Variants in TNFSF11 observed in about 807,000 individuals in gnomAD.
TNFSF11 encodes the protein TNF superfamily member 11, also known as tumor necrosis factor ligand superfamily member 11.
In TNFSF11, 12 loss-of-function variants were observed where a neutral mutation model predicts 32.2. That is an observed-to-expected ratio of 0.37 (90% CI 0.24 to 0.60). TNFSF11 has a LOEUF of 0.60. TNFSF11 is among the 20% of genes least tolerant of loss of function. The probability of loss-of-function intolerance (pLI) is 0.66; values close to 1 mark genes in which losing one functional copy is unlikely to be tolerated. For missense variants in TNFSF11, 345 were observed against 398.0 expected, an observed-to-expected ratio of 0.87 and a Z score of 1.13; for synonymous variants, 172 against 152.1, an observed-to-expected ratio of 1.13 and a Z score of -0.96.
intron 1 of TNFSF11, among the ~76,000 whole-genome samples, chr13:42,563,223 G>A (rs914050200): frequency 6.6e-6 from 1 of 152,196 alleles, no homozygotes; most frequent in Non-Finnish European, 1.5e-5. Flanking sequence ...CAGACTGAAA[G>A]TTCTGAATTG....
rs372429842 is a variant in TNFSF11, at chr13:42,575,891, C to A, written c.219+1369C>A. 2.0e-5 allele frequency among the ~76,000 whole-genome samples: 3 copies of A among 152,136 alleles called. No individual in the cohort carries two copies. In the East Asian group the frequency reaches 5.8e-4, roughly 29 times the overall value. On this transcript the variant is annotated intron_variant, in intron 1 of 4. Transcript: ENST00000398795. ...GTGTGTTGCAATAAGAATGGCTTAC[C>A]CATTTTCTCATCCAGCATTTTGTTA...
In TNFSF11 at chr13:42,607,655, G is replaced by C. The variant is rs201325158; in HGVS notation, c.*737G>C. On this transcript the variant is annotated 3_prime_UTR_variant, in exon 5 of 5. Coordinates refer to ENST00000398795, the MANE Select transcript of TNFSF11 (RefSeq NM_003701.4). ...TAAGTTAATAGATTTTTTCAGACTT[G>C]TCAAGCCTGTGCAAAAAAATTAAAA... The C allele has an allele frequency of 3.9e-5, 6 of 152,698 alleles. No individual in the cohort carries two copies. The highest frequency in any genetic ancestry group is 8.8e-5 in the Non-Finnish European group (6 of 68,030). 9.5% of individuals were successfully genotyped at this position (152,698 alleles called of 1,614,324 possible). A position where few individuals can be genotyped will look rare whatever the true frequency, so the allele number is the denominator to read the frequency against.
chr13:42,565,683 A>T (rs1246121110), intron 1 of TNFSF11, among the ~76,000 whole-genome samples: 3 of 152,218 alleles, frequency 2.0e-5, no homozygotes, highest in African/African-American at 7.2e-5. Context: ...AAAGACAGAG[A>T]TGGGAAAAAA....
chr13:42,573,220 C>G (rs1873134952), upstream of TNFSF11, among the ~76,000 whole-genome samples: 1 of 151,246 alleles, frequency 6.6e-6, no homozygotes. Context: ...GATGTGGAAC[C>G]CATGGATACT....
Position 42,579,824 on chromosome 13 carries a change from A to G in TNFSF11, c.220-1302A>G, listed in dbSNP as rs566053712. 9.3e-5 allele frequency among the ~76,000 whole-genome samples: 14 copies of G among 150,274 alleles called. No homozygotes were observed. In the East Asian group the frequency reaches 2.5e-3, roughly 27 times the overall value. ...AGAATATAGGAAAAATACAGATTGTACACAGTTTTGCTTCACGGTGGTATC... is the reference window on the plus strand; with the variant it reads ...AGAATATAGGAAAAATACAGATTGTGCACAGTTTTGCTTCACGGTGGTATC... On this transcript the variant is annotated intron_variant, in intron 1 of 4. Coordinates refer to ENST00000398795, the MANE Select transcript of TNFSF11 (RefSeq NM_003701.4).
At chr13:42,565,776 A>T (rs933355495) in intron 1 of TNFSF11, among the ~76,000 whole-genome samples, 1 of 152,202 alleles carries the variant, frequency 6.6e-6, no homozygotes, top group African/African-American at 2.4e-5. Context: ...TTATACATCC[A>T]GTTGTTCGTG....
intron 2 of TNFSF11, chr13:42,566,806 A>G (rs1872887088): frequency 2.0e-5 from 3 of 152,158 alleles, no homozygotes; most frequent in Non-Finnish European, 2.9e-5. Context: ...CAGTCTGGGC[A>G]ACATAGGAAA....
intron 1 of TNFSF11, among the ~76,000 whole-genome samples, chr13:42,575,038 G>C (rs558829408): frequency 6.6e-6 from 1 of 152,346 alleles, no homozygotes; most frequent in East Asian, 1.9e-4. Context: ...AGGGCTGCGC[G>C]GAGCGGGAGG....
At chr13:42,604,070 TA>T (rs1214853047) in intron 4 of TNFSF11, among the ~76,000 whole-genome samples, 2 of 152,240 alleles carry the variant, frequency 1.3e-5, no homozygotes, top group African/African-American at 4.8e-5. Flanking sequence ...CTTGCCTTCC[TA>T]GGCCATATCT....
chr13:42,596,435 G>T (rs888581138), intron 2 of TNFSF11, among the ~76,000 whole-genome samples: 5 of 152,284 alleles, frequency 3.3e-5, no homozygotes, highest in Admixed American at 1.3e-4. Flanking sequence ...AGTCACGCTA[G>T]GGATTCCTGG....
At chr13:42,580,383 G>T (rs1873542607) in intron 1 of TNFSF11, among the ~76,000 whole-genome samples, 1 of 152,138 alleles carries the variant, frequency 6.6e-6, no homozygotes, top group Admixed American at 6.6e-5. Flanking sequence ...TTACATTACA[G>T]GAATCTTAGC....
At chr13:42,599,408 C>T (rs911633678) in intron 2 of TNFSF11, among the ~76,000 whole-genome samples, 6 of 150,742 alleles carry the variant, frequency 4.0e-5, no homozygotes, top group Non-Finnish European at 8.8e-5. Flanking sequence ...GCCCTCCTCT[C>T]TAGACACTTA....
intron 4 of TNFSF11, among the ~76,000 whole-genome samples, chr13:42,603,269 G>C (rs775358611): frequency 6.6e-6 from 1 of 152,126 alleles, no homozygotes; most frequent in Non-Finnish European, 1.5e-5. Flanking sequence ...AGAATACATG[G>C]CTTTCTTTAG....
intron 4 of TNFSF11, among the ~76,000 whole-genome samples, chr13:42,604,181 G>A (rs549280345): frequency 2.1e-4 from 32 of 152,306 alleles, no homozygotes; most frequent in Non-Finnish European, 3.7e-4. Context: ...CAAATTGACT[G>A]CAAGAGTGGG....
At chr13:42,601,590 A>G (rs754763419) in intron 4 of TNFSF11, among the ~76,000 whole-genome samples, 4 of 152,066 alleles carry the variant, frequency 2.6e-5, no homozygotes, top group Non-Finnish European at 5.9e-5. Flanking sequence ...CCATCATACA[A>G]CCCCCACTGG....
chr13:42,583,437 AAGAAAGG>A (rs1198647983), intron 2 of TNFSF11, among the ~76,000 whole-genome samples: 37 of 107,478 alleles, frequency 3.4e-4, no homozygotes, highest in African/African-American at 1.1e-3. Flanking sequence ...AAAAAAAAAA[AAGAAAGG>A]AAGAAAGGAA....
chr13:42,587,923 A>G (rs1416644356), intron 2 of TNFSF11, among the ~76,000 whole-genome samples: 1 of 152,126 alleles, frequency 6.6e-6, no homozygotes, highest in Non-Finnish European at 1.5e-5. Context: ...ACTATTTCTC[A>G]TTTGCCTATT....
chr13:42,591,967 G>A (rs749486314), intron 2 of TNFSF11, among the ~76,000 whole-genome samples: 14 of 152,186 alleles, frequency 9.2e-5, no homozygotes, highest in African/African-American at 3.1e-4. Context: ...GGAACCTATG[G>A]CATCCCAGAG....
At chr13:42,591,628 T>C (rs893258077) in intron 2 of TNFSF11, among the ~76,000 whole-genome samples, 2 of 152,134 alleles carry the variant, frequency 1.3e-5, no homozygotes, top group Admixed American at 6.5e-5. Flanking sequence ...GAACCAGGGG[T>C]CACCAGCTCC....
Sources: gnomAD v4.1 joint callset for allele counts (sites outside exome capture counted in the v4.1 genomes callset) on GRCh38, gnomAD v4.1.1 for gene constraint, MANE v1.5 for transcripts, NCBI Gene and HGNC (gene_info 2026-07-23, HGNC 2026-07-21) for gene names.